The following CDC5L variants were observed in gnomAD, a reference collection of about 807,000 sequenced individuals.
CDC5L encodes the protein cell division cycle 5-like protein.
A neutral mutation model predicts 104.1 loss-of-function variants in CDC5L; 18 were observed. That is an observed-to-expected ratio of 0.17 (90% CI 0.12 to 0.26). CDC5L has a LOEUF of 0.26. CDC5L is among the 10% of genes least tolerant of loss of function. The pLI is 1.00. For synonymous variants in CDC5L, 331 were observed against 322.7 expected (o/e 1.03, Z -0.28); for missense variants, 673 against 956.9 (o/e 0.70, Z 3.91).
chr6:44,397,723 AAG>A (rs1790934517), intron 5 of CDC5L, among the ~76,000 whole-genome samples: 1 of 152,240 alleles, frequency 6.6e-6, no homozygotes, highest in Admixed American at 6.5e-5. Flanking sequence ...TGGCTGAACA[AAG>A]AGGGAATTAA....
In CDC5L at chr6:44,395,936, A is replaced by G. The variant is rs374313053; in HGVS notation, c.440-405A>G. Among the ~76,000 whole-genome samples the G allele has an allele frequency of 9.1e-4, 139 of 152,338 alleles. 1 individual carries two copies. Among genetic ancestry groups the G allele is most frequent in the Non-Finnish European group, 1.6e-3 (112 of 68,030 alleles). On this transcript the variant is annotated intron_variant, in intron 4 of 15. Transcript: ENST00000371477. ...CTCATAATTAAATAGTTTTTACCCT[A>G]TTTCACAATTTGTGCTGTGCCAGTT...
intron 9 of CDC5L, among the ~76,000 whole-genome samples, chr6:44,421,560 C>G (rs769913456): frequency 2.0e-5 from 3 of 152,194 alleles, no homozygotes; most frequent in Non-Finnish European, 4.4e-5. Flanking sequence ...AGCATAATCC[C>G]TCATTTCCTA....
rs11572009 is a variant in CDC5L at position 44,423,746 on chromosome 6, A to G, written c.1405-673A>G. Among the ~76,000 whole-genome samples the G allele has an allele frequency of 4.9e-3, 743 of 152,296 alleles. 3 individuals carry two copies. Among genetic ancestry groups the G allele is most frequent in the African/African-American group, 0.017 (710 of 41,562 alleles). On this transcript the variant is annotated intron_variant, in intron 10 of 15. Coordinates refer to ENST00000371477, the MANE Select transcript of CDC5L (RefSeq NM_001253.4). ...AGGCTTTTTTGGGAACCAGGACTCT[A>G]CTTTCTTTCTTCTGCATGGGATTTA...
chr6:44,391,689 G>GGGAAATT (rs1790630073), intron 2 of CDC5L, among the ~76,000 whole-genome samples: 1 of 152,126 alleles, frequency 6.6e-6, no homozygotes, highest in African/African-American at 2.4e-5. Flanking sequence ...AATTTCCTAG[G>GGGAAATT]CACCTGGTTA....
chr6:44,409,937 T>A lies in CDC5L; in HGVS notation c.1092+1305T>A, dbSNP rs550878631. Among the ~76,000 whole-genome samples the A allele has an allele frequency of 2.6e-5, 4 of 152,190 alleles. No homozygotes were observed. The East Asian group carries it at 7.7e-4, about 29-fold the overall frequency. ...CATAGGAGGTAGAATTTTTTTTTTT[T>A]TAGTTTTTTTTCATTGATAAGGAAA... On this transcript the variant is annotated intron_variant, in intron 8 of 15. Coordinates refer to ENST00000371477, the MANE Select transcript of CDC5L (RefSeq NM_001253.4).
At chr6:44,391,284 T>G (rs1172072401) in intron 2 of CDC5L, among the ~76,000 whole-genome samples, 2 of 151,950 alleles carry the variant, frequency 1.3e-5, no homozygotes, top group Non-Finnish European at 2.9e-5. Context: ...AGTCTTGCTC[T>G]GTCGCCCAGG....
chr6:44,420,929 C>T (rs192871262), intron 9 of CDC5L, among the ~76,000 whole-genome samples: 4 of 152,260 alleles, frequency 2.6e-5, no homozygotes, highest in Non-Finnish European at 5.9e-5. Context: ...TGCGTAGACT[C>T]CTCCCTTGTA....
chr6:44,398,792 A>G (rs879907938), intron 5 of CDC5L, among the ~76,000 whole-genome samples: 8 of 152,154 alleles, frequency 5.3e-5, no homozygotes, highest in Non-Finnish European at 1.2e-4. Flanking sequence ...TTTGAAATAC[A>G]TTTTTCTAAA....
At chr6:44,387,940 C>CGG (rs3215907) in intron 1 of CDC5L, 72 bp downstream of exon 1, 119,930 of 1,462,434 alleles carry the variant, frequency 0.082, 9,089 homozygotes, top group East Asian at 0.45. Context: ...GCGCGGAGGT[C>CGG]GGGGGGGCGA....
intron 14 of CDC5L, among the ~76,000 whole-genome samples, chr6:44,436,579 A>G (rs1488932472): frequency 1.3e-5 from 2 of 152,180 alleles, no homozygotes; most frequent in African/African-American, 2.4e-5. Context: ...AGTAGATACA[A>G]TATTGAATTT....
At position 44,426,149 on chromosome 6, in the gene CDC5L, A is replaced by T. The variant is rs1792409025; in HGVS notation, c.1616A>T (p.Lys539Ile). 4 of 1,610,026 alleles carry T rather than the reference A, an allele frequency of 2.5e-6. No homozygotes were observed. The highest frequency in any genetic ancestry group is 2.5e-6 in the Non-Finnish European group (3 of 1,177,938). The change falls in exon 12 of 16, where the codon AAA becomes ATA. Residue 539 changes from lysine to isoleucine, a missense_variant. Lys to Ile is a moderately radical substitution (Grantham distance 102). Transcript: ENST00000371477. ...ERVKEMKRMHKAVQKDLPRPS... is the reference protein window; with the variant it reads ...ERVKEMKRMHIAVQKDLPRPS... The stretch of plus-strand genomic sequence containing the variant: ...GTAAAGGAAATGAAACGAATGCATA[A>T]AGCTGTCCAGAAAGATCTGCCAAGA...
At chr6:44,406,981 G>A (rs1297167737) in intron 7 of CDC5L, among the ~76,000 whole-genome samples, 2 of 152,076 alleles carry the variant, frequency 1.3e-5, no homozygotes, top group African/African-American at 4.8e-5. Context: ...AGTATGATAA[G>A]ATAGCTTCAG....
chr6:44,427,344 ACAGTG>A (rs1257206111), intron 13 of CDC5L, among the ~76,000 whole-genome samples: 11 of 152,212 alleles, frequency 7.2e-5, no homozygotes, highest in African/African-American at 2.2e-4. Flanking sequence ...ATAAGAAGAT[ACAGTG>A]GGTCTCATCG....
rs1221354431 is a variant in CDC5L at position 44,426,441 on chromosome 6, T to C, written c.1651-41T>C. On this transcript the variant is annotated intron_variant, in intron 12 of 15. Transcript: ENST00000371477. ...AACAGGTAATAACATTAATATATTATAGTGATATGTTTGGTAATTGTATTT... is the reference window on the plus strand; with the variant it reads ...AACAGGTAATAACATTAATATATTACAGTGATATGTTTGGTAATTGTATTT... 5.4e-6 allele frequency: 6 copies of C among 1,121,240 alleles called. No individual in the cohort carries two copies. The Admixed American group carries it at 5.9e-5, about 11-fold the overall frequency. The allele number at this position is 1,121,240 out of a possible 1,614,324, so 69.5% of individuals were successfully genotyped here.
intron 14 of CDC5L, among the ~76,000 whole-genome samples, chr6:44,440,584 C>G (rs771440820): frequency 6.6e-6 from 1 of 151,938 alleles, no homozygotes; most frequent in Non-Finnish European, 1.5e-5. Context: ...ATAATAATTG[C>G]ATATGTTTAT....
intron 11 of CDC5L, 150 bp downstream of exon 11, chr6:44,424,733 T>C (rs1360549995): frequency 3.1e-6 from 2 of 643,408 alleles, no homozygotes; most frequent in South Asian, 4.0e-5. Flanking sequence ...ATGTCATTAA[T>C]AATGTATCCT....
At chr6:44,429,523 G>A (rs1292700390) in intron 13 of CDC5L, among the ~76,000 whole-genome samples, 190 bp from the exon 14 acceptor site, 1 of 152,122 alleles carries the variant, frequency 6.6e-6, no homozygotes, top group Non-Finnish European at 1.5e-5. Flanking sequence ...TTTTTAAAAA[G>A]CAGTCTGCAT....
intron 9 of CDC5L, among the ~76,000 whole-genome samples, chr6:44,421,661 A>G (rs769919110): frequency 1.4e-4 from 21 of 152,260 alleles, no homozygotes; most frequent in South Asian, 4.1e-4. Context: ...CAAACAGTAC[A>G]ACAATAACAA....
At chr6:44,407,262 C>T (rs1428331102) in intron 7 of CDC5L, among the ~76,000 whole-genome samples, 3 of 151,614 alleles carry the variant, frequency 2.0e-5, no homozygotes, top group Non-Finnish European at 4.4e-5. Flanking sequence ...TTCTTTCATT[C>T]AGCTTATTAC....
Sources: allele counts gnomAD v4.1 joint callset (sites outside exome capture counted in the v4.1 genomes callset), GRCh38; gene constraint gnomAD v4.1.1; transcripts MANE v1.5; gene names NCBI Gene and HGNC (gene_info 2026-07-23, HGNC 2026-07-21).